The following ITSN2 variants were observed in gnomAD, a reference collection of about 807,000 sequenced individuals.
ITSN2 encodes intersectin-2.
Under a neutral mutation model 243.7 loss-of-function variants are expected in ITSN2, and 156 were observed. The ratio of observed to expected loss-of-function variants is 0.64; its 90% CI spans 0.56 to 0.73. The LOEUF is 0.73. ITSN2 is among the 30% of genes least tolerant of loss of function. The pLI is 0.00. For synonymous variants in ITSN2, 703 were observed against 699.9 expected (o/e 1.00, Z -0.07); for missense variants, 1,801 against 1,996.1 (o/e 0.90, Z 1.86).
chr2:24,243,177 T>C (rs1672937640), intron 29 of ITSN2, among the ~76,000 whole-genome samples: 1 of 152,194 alleles, frequency 6.6e-6, no homozygotes, highest in African/African-American at 2.4e-5. Context: ...TTCCAAAACA[T>C]ATTTGTATAA....
chr2:24,308,516 T>C, intron 8 of ITSN2, 101 bp downstream of exon 8: 2 of 724,992 alleles, frequency 2.8e-6, no homozygotes, highest in Non-Finnish European at 4.1e-6. Flanking sequence ...GATGTTAAAA[T>C]GTCAGATGAG....
rs924129125 is a variant in ITSN2 at position 24,295,869 on chromosome 2, GAAT to G, written c.1495-68_1495-66del. On this transcript the variant is annotated intron_variant, in intron 13 of 39. Coordinates refer to ENST00000355123, the MANE Select transcript of ITSN2 (RefSeq NM_006277.3). ...CTAATAGAAAATGTTTCTACAAGGA[GAAT>G]AATATTTTTAGTTAAATTTTAAAAT... The G allele has an allele frequency of 1.7e-5, 20 of 1,169,584 alleles. No individual in the cohort carries two copies. In the African/African-American group the frequency reaches 3.3e-4, roughly 19 times the overall value. 72.5% of individuals were successfully genotyped at this position (1,169,584 alleles called of 1,614,324 possible).
chr2:24,220,859 G>A (rs755218106), intron 30 of ITSN2, 86 bp downstream of exon 30: 23 of 1,489,010 alleles, frequency 1.5e-5, no homozygotes, highest in South Asian at 4.2e-5. Context: ...TTGACTCTGC[G>A]TGGAGGCAGC....
intron 1 of ITSN2, among the ~76,000 whole-genome samples, chr2:24,354,573 A>G (rs992829375): frequency 6.6e-6 from 1 of 152,242 alleles, no homozygotes; most frequent in African/African-American, 2.4e-5. Context: ...AACACTAGGA[A>G]CTAGCTAATA....
At chr2:24,285,448 A>G (rs1346927387) in intron 16 of ITSN2, among the ~76,000 whole-genome samples, 1 of 152,264 alleles carries the variant, frequency 6.6e-6, no homozygotes, top group Non-Finnish European at 1.5e-5. Flanking sequence ...GATAAAAGCC[A>G]TATGAAGAGA....
Position 24,277,580 on chromosome 2 carries a change from T to C in ITSN2, c.1945-1731A>G, listed in dbSNP as rs1678173148. Reference sequence around the variant, plus strand: ...AAGCAGAAGAATATAGTGGTTACAATATATAGAGAAGCAAGGTGGTTTAGT... The same window carrying C: ...AAGCAGAAGAATATAGTGGTTACAACATATAGAGAAGCAAGGTGGTTTAGT... On this transcript the variant is annotated intron_variant, in intron 17 of 39. Coordinates refer to ENST00000355123, the MANE Select transcript of ITSN2 (RefSeq NM_006277.3). Among the ~76,000 whole-genome samples, 4 of 152,304 alleles carry C rather than the reference T, an allele frequency of 2.6e-5. No homozygotes were observed. In the South Asian group the frequency reaches 6.2e-4, roughly 24 times the overall value.
intron 18 of ITSN2, 110 bp from the exon 19 acceptor site, chr2:24,272,051 T>C: frequency 1.2e-6 from 1 of 868,878 alleles, no homozygotes. Context: ...CAATGAAGTA[T>C]TAGTACAGGG....
Position 24,211,315 on chromosome 2 carries a change from A to G in ITSN2, c.4090-368T>C, listed in dbSNP as rs1278233322. 1.3e-5 allele frequency among the ~76,000 whole-genome samples: 2 copies of G among 152,212 alleles called. No individual in the cohort carries two copies. Among genetic ancestry groups the G allele is most frequent in the Admixed American group, 6.5e-5 (1 of 15,284 alleles). On this transcript the variant is annotated intron_variant, in intron 33 of 39. Coordinates refer to ENST00000355123, the MANE Select transcript of ITSN2 (RefSeq NM_006277.3). The surrounding 1 kb of genome is among the most constrained non-coding windows in gnomAD (Gnocchi z 4.1). ...TGTATAAACTGGCTGCAGCTGTGGT[A>G]AGTGTGAACTTGCTGAATAGCAATG... is the stretch of plus-strand genomic sequence containing the variant.
At chr2:24,287,393 TC>T in intron 15 of ITSN2, among the ~76,000 whole-genome samples, 2 of 152,266 alleles carry the variant, frequency 1.3e-5, no homozygotes, top group Admixed American at 1.3e-4. Flanking sequence ...TGGTAACCAC[TC>T]TTCTACTCTC....
chr2:24,332,655 A>G (rs889457484), intron 1 of ITSN2, among the ~76,000 whole-genome samples: 2 of 152,200 alleles, frequency 1.3e-5, no homozygotes, highest in Non-Finnish European at 2.9e-5. Context: ...CTTTTAAAAC[A>G]TATCATTTCA....
intron 19 of ITSN2, 32 bp downstream of exon 19, chr2:24,271,734 G>T: frequency 6.7e-7 from 1 of 1,482,496 alleles, no homozygotes. Flanking sequence ...TGTTGCATTT[G>T]TTCTACTGTC....
chr2:24,309,443 G>A lies in ITSN2; in HGVS notation c.654-687C>T, dbSNP rs191731666. Among the ~76,000 whole-genome samples the A allele has an allele frequency of 1.5e-3, 230 of 152,216 alleles. 1 individual carries two copies. The highest frequency in any genetic ancestry group is 5.2e-3 in the African/African-American group (216 of 41,538). ...TCGAACTCCTGAGCTCAGGCAATCCGCCCACCTCAGCCTCCCAAAGTGCTG... is the reference window on the plus strand; with the variant it reads ...TCGAACTCCTGAGCTCAGGCAATCCACCCACCTCAGCCTCCCAAAGTGCTG... On this transcript the variant is annotated intron_variant, in intron 7 of 39. Transcript: ENST00000355123.
In ITSN2 at chr2:24,271,881, T is replaced by C. The variant is rs1558528733; in HGVS notation, c.2142A>G (p.Glu714=). 6.2e-7 allele frequency: 1 copy of C among 1,606,472 alleles called. No individual in the cohort carries two copies. Among genetic ancestry groups the C allele is most frequent in the Non-Finnish European group, 8.5e-7 (1 of 1,177,512 alleles). Residue 714 remains glutamate (E), a synonymous_variant, in exon 19 of 40, where the codon GAA becomes GAG. Transcript: ENST00000355123. ...WKENLRKEEE[E]KQKRLQEEKT... Reference sequence around the variant, plus strand: ...TTTCTTCCTGGAGTCGCTTTTGTTTTTCTTCTTCCTCCTTTCTAAGATTTT... The same window carrying C: ...TTTCTTCCTGGAGTCGCTTTTGTTTCTCTTCTTCCTCCTTTCTAAGATTTT...
chr2:24,337,652 T>G, intron 1 of ITSN2, among the ~76,000 whole-genome samples: 1 of 145,062 alleles, frequency 6.9e-6, no homozygotes, highest in African/African-American at 2.5e-5. Context: ...GCCTGGCTTT[T>G]TTTTTTTTTT....
At chr2:24,338,216 C>T (rs1686669838) in intron 1 of ITSN2, among the ~76,000 whole-genome samples, 1 of 152,230 alleles carries the variant, frequency 6.6e-6, no homozygotes, top group Non-Finnish European at 1.5e-5. Flanking sequence ...CTCTTATCAA[C>T]ATAACCCAGT....
rs138264580 is a variant in ITSN2 at position 24,312,629 on chromosome 2, T to C, written c.189-254A>G. 1.4e-4 allele frequency among the ~76,000 whole-genome samples: 22 copies of C among 152,282 alleles called. No homozygotes were observed. In the East Asian group the frequency reaches 3.5e-3, roughly 24 times the overall value. On this transcript the variant is annotated intron_variant, in intron 4 of 39. Transcript: ENST00000355123. Reference sequence around the variant, plus strand: ...GAATCTAGAGACCTTTGGGCTGAATTCCACCAGTTTAGGTAGAAAAAAATT... The same window carrying C: ...GAATCTAGAGACCTTTGGGCTGAATCCCACCAGTTTAGGTAGAAAAAAATT...
intron 7 of ITSN2, 78 bp downstream of exon 7, chr2:24,310,206 A>G (rs1245902195): frequency 3.1e-6 from 3 of 968,268 alleles, no homozygotes; most frequent in Non-Finnish European, 4.8e-6. Context: ...GGTAAGCTCA[A>G]AGCTTTAAAA....
Position 24,312,207 on chromosome 2 carries a change from C to T in ITSN2, c.352+5G>A. 1 of 1,599,970 alleles carries T rather than the reference C, an allele frequency of 6.3e-7. No individual in the cohort carries two copies. The highest frequency in any genetic ancestry group is 1.1e-5 in the South Asian group (1 of 88,382). Reference sequence around the variant, plus strand: ...ATACAGGTATTTAAATTAATACATACTTACCAAAACGAGCAGAAATTAATG... The same window carrying T: ...ATACAGGTATTTAAATTAATACATATTTACCAAAACGAGCAGAAATTAATG... On this transcript the variant is annotated splice_donor_5th_base_variant and intron_variant, in intron 5 of 39. Transcript: ENST00000355123.
intron 24 of ITSN2, among the ~76,000 whole-genome samples, chr2:24,253,350 G>A (rs1235957512): frequency 3.2e-5 from 3 of 93,838 alleles, no homozygotes; most frequent in African/African-American, 7.9e-5. Context: ...GTTTAGGTAC[G>A]CTGCAATAAA....
Sources: allele counts gnomAD v4.1 joint callset (sites outside exome capture counted in the v4.1 genomes callset), GRCh38; gene constraint gnomAD v4.1.1; non-coding constraint Gnocchi (gnomAD v3.1); transcripts MANE v1.5; gene names NCBI Gene and HGNC (gene_info 2026-07-23, HGNC 2026-07-21).